DESI1: variants seen among roughly 807,000 people sequenced by gnomAD.
DESI1 encodes the protein desumoylating isopeptidase 1, also known as PPPDE peptidase domain containing 2.
DESI1 carries 17 observed loss-of-function variants against 22.4 expected under a neutral mutation model. The ratio of observed to expected loss-of-function variants is 0.76; its 90% CI spans 0.52 to 1.14. The LOEUF (loss-of-function observed/expected upper bound fraction) is 1.14. DESI1 is among the 50% of genes most tolerant of loss of function. The pLI is 0.00. For missense variants in DESI1, 177 were observed against 208.9 expected, an observed-to-expected ratio of 0.85 and a Z score of 0.94; for synonymous variants, 92 against 84.2, an observed-to-expected ratio of 1.09 and a Z score of -0.51.
rs533446477 is a variant in DESI1, at chr22:41,599,785, C to T, written c.*1312G>A. On this transcript the variant is annotated 3_prime_UTR_variant, in exon 6 of 6. Transcript: ENST00000263256. ...TGTTGGCCAGGCTGGTCTTGAAGTCCTGACCTCAAGTGATCTGCCTGCCTC... is the reference window on the plus strand; with the variant it reads ...TGTTGGCCAGGCTGGTCTTGAAGTCTTGACCTCAAGTGATCTGCCTGCCTC... The T allele has an allele frequency of 4.6e-5, 7 of 152,008 alleles. No individual in the cohort carries two copies. The highest frequency in any genetic ancestry group is 1.4e-4 in the African/African-American group (6 of 41,526). The allele number at this position is 152,008 out of a possible 1,614,324, so 9.4% of individuals were successfully genotyped here. A position where few individuals can be genotyped will look rare whatever the true frequency, so the allele number is the denominator to read the frequency against.
At chr22:41,612,347 A>G (rs1601513928) in intron 1 of DESI1, among the ~76,000 whole-genome samples, 1 of 152,086 alleles carries the variant, frequency 6.6e-6, no homozygotes, top group South Asian at 2.1e-4. Context: ...CATCTCTACT[A>G]AAAGTACAAA....
chr22:41,609,706 G>A (rs1042892689), intron 1 of DESI1, among the ~76,000 whole-genome samples: 10 of 152,128 alleles, frequency 6.6e-5, no homozygotes, highest in African/African-American at 2.2e-4. Flanking sequence ...GCTGAGGCAC[G>A]AGAATTGCTT....
At chr22:41,620,701 C>T in intron 1 of DESI1, 51 bp downstream of exon 1, 2 of 1,547,820 alleles carry the variant, frequency 1.3e-6, no homozygotes, top group Non-Finnish European at 1.8e-6. Flanking sequence ...CCAGCCGCCA[C>T]CCTCTGGCCT....
intron 1 of DESI1, among the ~76,000 whole-genome samples, chr22:41,615,182 C>T (rs1221811916): frequency 4.0e-5 from 6 of 150,176 alleles, no homozygotes; most frequent in Admixed American, 3.3e-4. Context: ...GTAATCCCAG[C>T]ACTTCGGGAG....
intron 2 of DESI1, 45 bp from the exon 3 acceptor site, chr22:41,607,376 T>G (rs1346864573): frequency 4.5e-6 from 7 of 1,570,822 alleles, no homozygotes; most frequent in Non-Finnish European, 6.1e-6. Context: ...ACTTAAACTT[T>G]TGAGAAAAAG....
rs761092708 is a variant in DESI1, at chr22:41,598,900, A to C, written c.*2197T>G. 1 of 152,350 alleles carries C rather than the reference A, an allele frequency of 6.6e-6. No individual in the cohort carries two copies. The highest frequency in any genetic ancestry group is 2.4e-5 in the African/African-American group (1 of 41,580). The allele number at this position is 152,350 out of a possible 1,614,324, so 9.4% of individuals were successfully genotyped here. A position where few individuals can be genotyped will look rare whatever the true frequency, so the allele number is the denominator to read the frequency against. On this transcript the variant is annotated 3_prime_UTR_variant, in exon 6 of 6. Transcript: ENST00000263256. Reference sequence around the variant, plus strand: ...AACAGTCCCTGCTAGTTTCTGCTCTAATCTATTATTTCCATGCACACTGGC... The same window carrying C: ...AACAGTCCCTGCTAGTTTCTGCTCTCATCTATTATTTCCATGCACACTGGC...
chr22:41,603,945 C>T, intron 4 of DESI1, 99 bp downstream of exon 4: 1 of 1,080,502 alleles, frequency 9.3e-7, no homozygotes, highest in Non-Finnish European at 1.3e-6. Flanking sequence ...AGGCCTTGTG[C>T]TGAGTGATAA....
intron 1 of DESI1, among the ~76,000 whole-genome samples, chr22:41,614,113 T>C (rs1434460218): frequency 6.6e-6 from 1 of 152,014 alleles, no homozygotes; most frequent in Non-Finnish European, 1.5e-5. Context: ...CATGGCTCAC[T>C]ACAACCCCCG....
chr22:41,606,613 AT>A (rs2067482442), intron 3 of DESI1, among the ~76,000 whole-genome samples: 1 of 151,796 alleles, frequency 6.6e-6, no homozygotes, highest in Admixed American at 6.6e-5. Flanking sequence ...ATCTACTAAA[AT>A]ATACAAAAAA....
chr22:41,603,223 G>A, intron 5 of DESI1, 36 bp downstream of exon 5: 6 of 1,613,700 alleles, frequency 3.7e-6, no homozygotes, highest in Non-Finnish European at 5.1e-6. Context: ...TTTCAAGGTT[G>A]GCCAAGGCAG....
intron 5 of DESI1, chr22:41,603,050 A>G: frequency 2.6e-6 from 2 of 755,006 alleles, no homozygotes; most frequent in Non-Finnish European, 4.1e-6. Context: ...CACTTAGGCC[A>G]GGGCAGAGCT....
intron 1 of DESI1, among the ~76,000 whole-genome samples, chr22:41,619,074 A>G (rs1407251532): frequency 1.3e-5 from 2 of 151,830 alleles, no homozygotes; most frequent in Non-Finnish European, 2.9e-5. Flanking sequence ...AAAAAAAAAA[A>G]CCAACAAAAA....
intron 5 of DESI1, chr22:41,602,978 A>G: frequency 3.5e-6 from 2 of 579,490 alleles, no homozygotes; most frequent in East Asian, 4.3e-5. Flanking sequence ...GGAAGGACAG[A>G]CGCCAGAATT....
At chr22:41,611,736 G>A (rs2067518796) in intron 1 of DESI1, among the ~76,000 whole-genome samples, 1 of 151,780 alleles carries the variant, frequency 6.6e-6, no homozygotes. Context: ...GGGACTACAG[G>A]CGCTCACCAC....
Position 41,620,955 on chromosome 22 carries a change from C to A in DESI1, c.-116G>T, listed in dbSNP as rs2067591777. On this transcript the variant is annotated 5_prime_UTR_variant, in exon 1 of 6. Coordinates refer to ENST00000263256, the MANE Select transcript of DESI1 (RefSeq NM_015704.3). ...GGAGAGGGGGGGACCGAGCCCGGGC[C>A]CGGGCTGAGGGGTGGGGGAGAGGCC... 1 of 1,183,846 alleles carries A rather than the reference C, an allele frequency of 8.4e-7. No individual in the cohort carries two copies. The highest frequency in any genetic ancestry group is 1.5e-5 in the African/African-American group (1 of 64,692). The allele number at this position is 1,183,846 out of a possible 1,614,324, so 73.3% of individuals were successfully genotyped here.
At chr22:41,619,649 A>G (rs1431010201) in intron 1 of DESI1, among the ~76,000 whole-genome samples, 2 of 152,234 alleles carry the variant, frequency 1.3e-5, no homozygotes, top group African/African-American at 4.8e-5. Context: ...GAAGCCAAAT[A>G]TAGAAACAAC....
At chr22:41,616,264 A>C in intron 1 of DESI1, among the ~76,000 whole-genome samples, 1 of 152,186 alleles carries the variant, frequency 6.6e-6, no homozygotes, top group Non-Finnish European at 1.5e-5. Flanking sequence ...AAATTCCTGG[A>C]GGACAGAGTT....
intron 1 of DESI1, among the ~76,000 whole-genome samples, chr22:41,614,086 G>A (rs770860738): frequency 6.6e-6 from 1 of 151,902 alleles, no homozygotes; most frequent in Non-Finnish European, 1.5e-5. Context: ...GTCCAGGCTG[G>A]GGTGCAGCGG....
chr22:41,598,316 T>G lies in DESI1; in HGVS notation c.*2781A>C, dbSNP rs1601505692. 6.6e-6 allele frequency: 1 copy of G among 152,400 alleles called. No individual in the cohort carries two copies. Among genetic ancestry groups the G allele is most frequent in the African/African-American group, 2.4e-5 (1 of 41,466 alleles). The allele number at this position is 152,400 out of a possible 1,614,324, so 9.4% of individuals were successfully genotyped here. On this transcript the variant is annotated 3_prime_UTR_variant, in exon 6 of 6. Transcript: ENST00000263256. ...TAGCCGGCCACAATGAGAATGCTCC[T>G]GAGGTGCTGGGACAGACAGAAATAT...
Sources: allele counts gnomAD v4.1 joint callset (sites outside exome capture counted in the v4.1 genomes callset), GRCh38; gene constraint gnomAD v4.1.1; transcripts MANE v1.5; gene names NCBI Gene and HGNC (gene_info 2026-07-23, HGNC 2026-07-21).